LRP1B: variants seen among roughly 807,000 people sequenced by gnomAD.
The protein encoded by LRP1B is low-density lipoprotein receptor-related protein 1B.
Under a neutral mutation model 556.6 loss-of-function variants are expected in LRP1B, and 217 were observed. The ratio of observed to expected loss-of-function variants is 0.39; its 90% CI spans 0.35 to 0.44. The LOEUF is 0.44. LRP1B is among the 20% of genes least tolerant of loss of function. The pLI is 1.00. For synonymous variants in LRP1B, 2,047 were observed against 1,865.8 expected (o/e 1.10, Z -2.50); for missense variants, 5,053 against 5,620.8 (o/e 0.90, Z 3.23).
At chr2:140,386,242 G>C (rs1411408608) in intron 66 of LRP1B, among the ~76,000 whole-genome samples, 1 of 152,060 alleles carries the variant, frequency 6.6e-6, no homozygotes, top group Non-Finnish European at 1.5e-5. Context: ...GAAACCGATT[G>C]GACCATCCAA....
chr2:140,642,263 T>G (rs772233334), intron 41 of LRP1B, among the ~76,000 whole-genome samples: 1 of 152,176 alleles, frequency 6.6e-6, no homozygotes, highest in Non-Finnish European at 1.5e-5. Flanking sequence ...CCACTTAGCC[T>G]GTGCCGAGGA....
At chr2:140,474,565 T>C (rs1687891927) in intron 60 of LRP1B, among the ~76,000 whole-genome samples, 1 of 151,954 alleles carries the variant, frequency 6.6e-6, no homozygotes, top group African/African-American at 2.4e-5. Flanking sequence ...ACCTGTTACC[T>C]AAAACGTTTT....
chr2:141,144,140 C>G (rs983554682), intron 7 of LRP1B, among the ~76,000 whole-genome samples: 1 of 152,104 alleles, frequency 6.6e-6, no homozygotes, highest in Admixed American at 6.6e-5. Context: ...CCTGTCTACT[C>G]TCATTTTTAT....
chr2:140,319,294 A>G (rs1030072373), intron 82 of LRP1B, among the ~76,000 whole-genome samples: 2 of 152,140 alleles, frequency 1.3e-5, no homozygotes, highest in African/African-American at 4.8e-5. Context: ...AGCCAATGTA[A>G]AAGTCACTTG....
intron 7 of LRP1B, among the ~76,000 whole-genome samples, chr2:141,137,374 C>G (rs1409904045): frequency 2.6e-5 from 4 of 151,744 alleles, no homozygotes; most frequent in Admixed American, 6.6e-5. Flanking sequence ...TTTAAAGACC[C>G]AAACAGTTTA....
intron 21 of LRP1B, among the ~76,000 whole-genome samples, chr2:140,910,795 T>C (rs542189168): frequency 6.6e-6 from 1 of 151,994 alleles, no homozygotes; most frequent in South Asian, 2.1e-4. Flanking sequence ...AGTACAAAAC[T>C]AGATTTGACA....
At chr2:140,753,272 CATA>C (rs1283232900) in intron 35 of LRP1B, among the ~76,000 whole-genome samples, 1 of 152,136 alleles carries the variant, frequency 6.6e-6, no homozygotes, top group Non-Finnish European at 1.5e-5. Flanking sequence ...ATAACAATTA[CATA>C]ATGTTTGTAC....
rs2105397310 is a variant in LRP1B at position 141,020,105 on chromosome 2, A to G, written c.1790-3T>C. ...AATGCCCTCTACATTATCCAGATCT[A>G]TAAAAAAAGCAAAAACAAGAAAGAA... On this transcript the variant is annotated splice_polypyrimidine_tract_variant and splice_region_variant and intron_variant, in intron 11 of 90. Transcript: ENST00000389484. The G allele has an allele frequency of 6.7e-7, 1 of 1,494,640 alleles. No homozygotes were observed. Among genetic ancestry groups the G allele is most frequent in the Admixed American group, 2.2e-5 (1 of 44,640 alleles). The allele number at this position is 1,494,640 out of a possible 1,614,324, so 92.6% of individuals were successfully genotyped here. A position where few individuals can be genotyped will look rare whatever the true frequency, so the allele number is the denominator to read the frequency against.
chr2:141,003,690 C>T (rs1214531309), intron 15 of LRP1B, among the ~76,000 whole-genome samples: 2 of 151,988 alleles, frequency 1.3e-5, no homozygotes, highest in African/African-American at 4.8e-5. Flanking sequence ...CCCATTAAAC[C>T]TCTTTCTTTT....
chr2:141,480,609 C>G (rs1470729684), intron 2 of LRP1B, 76 bp from the exon 3 acceptor site: 3 of 1,428,260 alleles, frequency 2.1e-6, no homozygotes, highest in African/African-American at 2.8e-5. Context: ...CAAGAAATTA[C>G]TAGCATTGTT....
At chr2:141,639,417 T>TAA in intron 2 of LRP1B, among the ~76,000 whole-genome samples, 1 of 136,380 alleles carries the variant, frequency 7.3e-6, no homozygotes, top group Non-Finnish European at 1.6e-5. Context: ...TGTATATATA[T>TAA]ATATATTTTT....
At chr2:141,200,384 CG>C (rs1681957002) in intron 6 of LRP1B, among the ~76,000 whole-genome samples, 1 of 151,862 alleles carries the variant, frequency 6.6e-6, no homozygotes, top group Non-Finnish European at 1.5e-5. Flanking sequence ...TGAGGCCTGC[CG>C]GGGGTGGGTG....
intron 2 of LRP1B, among the ~76,000 whole-genome samples, chr2:141,486,843 C>T (rs1351532372): frequency 1.3e-5 from 2 of 152,018 alleles, no homozygotes; most frequent in Admixed American, 6.6e-5. Flanking sequence ...AAAACATAGA[C>T]TGCACCTGCT....
intron 2 of LRP1B, among the ~76,000 whole-genome samples, chr2:141,738,295 T>C (rs1041935067): frequency 2.0e-5 from 3 of 152,176 alleles, no homozygotes; most frequent in African/African-American, 7.2e-5. Context: ...AATAGAGAAA[T>C]ACTTTCAACT....
intron 3 of LRP1B, among the ~76,000 whole-genome samples, chr2:141,433,466 T>C (rs1680643791): frequency 6.6e-6 from 1 of 152,120 alleles, no homozygotes; most frequent in Non-Finnish European, 1.5e-5. Flanking sequence ...AGTTGTTCTG[T>C]CATTCTTGAG....
At chr2:141,654,719 C>T (rs988993484) in intron 2 of LRP1B, among the ~76,000 whole-genome samples, 3 of 152,104 alleles carry the variant, frequency 2.0e-5, no homozygotes, top group Non-Finnish European at 4.4e-5. Context: ...ATTTGAAGTA[C>T]TCCTAGGGGT....
intron 73 of LRP1B, among the ~76,000 whole-genome samples, chr2:140,358,573 T>G (rs2105136827): frequency 6.6e-6 from 1 of 151,806 alleles, no homozygotes; most frequent in Admixed American, 6.6e-5. Flanking sequence ...TAAAAATCTC[T>G]ATATTGTTTC....
chr2:140,474,515 C>A (rs943023339), intron 60 of LRP1B, among the ~76,000 whole-genome samples: 4 of 151,828 alleles, frequency 2.6e-5, no homozygotes, highest in African/African-American at 9.7e-5. Context: ...AATAAAAATT[C>A]ATTTATTTGT....
At chr2:141,235,325 C>T (rs954222252) in intron 5 of LRP1B, among the ~76,000 whole-genome samples, 5 of 151,814 alleles carry the variant, frequency 3.3e-5, no homozygotes, top group Admixed American at 3.3e-4. Flanking sequence ...GACAGTCCGC[C>T]TTCAAGAACG....
Sources: gnomAD v4.1 joint callset for allele counts (sites outside exome capture counted in the v4.1 genomes callset) on GRCh38, gnomAD v4.1.1 for gene constraint, MANE v1.5 for transcripts, NCBI Gene and HGNC (gene_info 2026-07-23, HGNC 2026-07-21) for gene names.